Variants in LRRC53 observed in about 807,000 individuals in gnomAD.
The protein encoded by LRRC53 is leucine-rich repeat-containing protein 53.
LRRC53 carries 25 observed loss-of-function variants against 13.6 expected under a neutral mutation model. The observed-to-expected ratio is 1.83, with a 90% CI of 1.34 to 2.56. The LOEUF (loss-of-function observed/expected upper bound fraction) is 2.56, where lower values mean the gene tolerates loss of function less well. LRRC53 is among the 30% of genes most tolerant of loss of function. LRRC53 has a pLI of 0.00. For synonymous variants in LRRC53, 204 were observed against 109.8 expected, an observed-to-expected ratio of 1.86 and a Z score of -5.37; for missense variants, 527 against 275.8, an observed-to-expected ratio of 1.91 and a Z score of -6.45.
the LRRC53 span, among the ~76,000 whole-genome samples, chr1:74,519,540 A>G: frequency 6.6e-6 from 1 of 151,412 alleles, no homozygotes; most frequent in Non-Finnish European, 1.5e-5. Context: ...CCTCTCCAGC[A>G]CCTGTTGTTT....
intron 1 of LRRC53, among the ~76,000 whole-genome samples, chr1:74,509,130 C>G (rs903788555): frequency 2.1e-4 from 32 of 152,262 alleles, no homozygotes; most frequent in African/African-American, 7.5e-4. Context: ...TAGAGCACTC[C>G]TTTTTCCTCA....
chr1:74,528,710 G>A, the LRRC53 span, among the ~76,000 whole-genome samples: 2 of 152,182 alleles, frequency 1.3e-5, no homozygotes, highest in African/African-American at 4.8e-5. Flanking sequence ...GTCTTAATGT[G>A]TTTACACACC....
Position 74,480,592 on chromosome 1 carries a change from A to G in LRRC53, c.465T>C (p.Asn155=), listed in dbSNP as rs1668440251. ...AATCCAGATACCTGAGACTGTGGAG[A>G]TTCGTGCCTCCGAAAGAACTGTCTG... The part of the protein sequence containing the change: ...NLTDSSFGGT[N]LHSLRYLDLS... The change falls in exon 3 of 5, where the codon AAT becomes AAC. Residue 155 remains asparagine, a synonymous_variant. Coordinates refer to ENST00000294635, the MANE Select transcript of LRRC53 (RefSeq NM_001382280.1). The G allele has an allele frequency of 1.4e-6, 1 of 717,174 alleles. No homozygotes were observed. The highest frequency in any genetic ancestry group is 1.7e-5 in the African/African-American group (1 of 57,274). The allele number at this position is 717,174 out of a possible 1,614,324, so 44.4% of individuals were successfully genotyped here.
chr1:74,496,594 T>C (rs1215040076), intron 1 of LRRC53, among the ~76,000 whole-genome samples: 1 of 152,046 alleles, frequency 6.6e-6, no homozygotes, highest in Non-Finnish European at 1.5e-5. Flanking sequence ...TTTTGGTTGT[T>C]TGTATATTTG....
At chr1:74,501,898 T>C (rs1036978480) in intron 1 of LRRC53, among the ~76,000 whole-genome samples, 5 of 152,158 alleles carry the variant, frequency 3.3e-5, no homozygotes, top group African/African-American at 1.2e-4. Flanking sequence ...ATACATTTTC[T>C]TTTTCTCACT....
chr1:74,502,335 C>A (rs1265651347), intron 1 of LRRC53, among the ~76,000 whole-genome samples: 4 of 152,144 alleles, frequency 2.6e-5, no homozygotes, highest in Non-Finnish European at 5.9e-5. Flanking sequence ...ATAATGACTT[C>A]CCACAAACAT....
At chr1:74,528,233 G>A in the LRRC53 span, among the ~76,000 whole-genome samples, 1 of 152,184 alleles carries the variant, frequency 6.6e-6, no homozygotes, top group Non-Finnish European at 1.5e-5. Flanking sequence ...GAGCATAAGG[G>A]TGGTGAAGAA....
intron 3 of LRRC53, among the ~76,000 whole-genome samples, chr1:74,478,174 A>C (rs116837935): frequency 7.4e-4 from 113 of 152,308 alleles, no homozygotes; most frequent in African/African-American, 2.7e-3. Flanking sequence ...AAAGAGTGGA[A>C]TCTTAATGGA....
rs1487399029 is a variant in LRRC53, at chr1:74,471,118, C to G, written c.2504G>C (p.Gly835Ala). The change falls in exon 5 of 5, where the codon GGA becomes GCA. Residue 835 changes from glycine to alanine, a missense_variant. Physicochemically the swap from Gly to Ala is moderately conservative, Grantham distance 60. Coordinates refer to ENST00000294635, the MANE Select transcript of LRRC53 (RefSeq NM_001382280.1). ...AGGTTGGGGCAATTTTGATGTGTTT[C>G]CATCAGGAATGTGGCCAGCTGAGTA... ...SCYSAGHIPD[G>A]NTSKLPQPTP... 28 of 400,614 alleles carry G rather than the reference C, an allele frequency of 7.0e-5. No individual in the cohort carries two copies. The highest frequency in any genetic ancestry group is 4.5e-4 in the African/African-American group (22 of 48,684). The allele number at this position is 400,614 out of a possible 1,614,324, so 24.8% of individuals were successfully genotyped here.
chr1:74,528,948 A>G, the LRRC53 span, among the ~76,000 whole-genome samples: 140,200 of 152,218 alleles, frequency 0.92, 64,832 homozygotes, highest in Non-Finnish European at 0.96. Flanking sequence ...AGAAAGGAGA[A>G]AGATACAAAG....
chr1:74,510,963 C>T (rs1670180234), intron 1 of LRRC53, among the ~76,000 whole-genome samples: 1 of 152,210 alleles, frequency 6.6e-6, no homozygotes, highest in Non-Finnish European at 1.5e-5. Flanking sequence ...TCTTGGCTCA[C>T]TGCAACCTCT....
intron 3 of LRRC53, among the ~76,000 whole-genome samples, chr1:74,476,940 C>T (rs1329417283): frequency 6.6e-6 from 1 of 152,006 alleles, no homozygotes; most frequent in Non-Finnish European, 1.5e-5. Flanking sequence ...TGGTAAAATC[C>T]TCATACCATT....
At chr1:74,518,025 A>G in the LRRC53 span, among the ~76,000 whole-genome samples, 1 of 152,200 alleles carries the variant, frequency 6.6e-6, no homozygotes, top group African/African-American at 2.4e-5. Flanking sequence ...GTTTTTGAGC[A>G]AGCGATGACC....
At chr1:74,508,017 A>C (rs1043204084) in intron 1 of LRRC53, among the ~76,000 whole-genome samples, 2 of 152,204 alleles carry the variant, frequency 1.3e-5, no homozygotes, top group Non-Finnish European at 2.9e-5. Flanking sequence ...ATAGACCCCA[A>C]ATGTATTATA....
At chr1:74,520,820 G>A in the LRRC53 span, among the ~76,000 whole-genome samples, 603 of 152,196 alleles carry the variant, frequency 4.0e-3, 5 homozygotes, top group Middle Eastern at 0.014. Context: ...GGGTGTAACA[G>A]GGCTAAGAAG....
At chr1:74,531,579 A>G in the LRRC53 span, among the ~76,000 whole-genome samples, 2 of 152,156 alleles carry the variant, frequency 1.3e-5, no homozygotes, top group African/African-American at 2.4e-5. Context: ...TGCCAAAAGG[A>G]TGAGCCAGAT....
intron 1 of LRRC53, among the ~76,000 whole-genome samples, chr1:74,488,898 G>T (rs1011327645): frequency 3.9e-5 from 6 of 152,108 alleles, no homozygotes; most frequent in Admixed American, 2.0e-4. Context: ...TTTTGAAGAG[G>T]AAACCTGCCA....
At chr1:74,491,628 T>A (rs1669082441) in intron 1 of LRRC53, among the ~76,000 whole-genome samples, 1 of 152,212 alleles carries the variant, frequency 6.6e-6, no homozygotes, top group South Asian at 2.1e-4. Flanking sequence ...TGCCACACAT[T>A]AAAGCATTTT....
chr1:74,481,588 C>T (rs1396361991), intron 2 of LRRC53, among the ~76,000 whole-genome samples: 2 of 152,206 alleles, frequency 1.3e-5, no homozygotes, highest in Non-Finnish European at 2.9e-5. Context: ...TCATTATAGT[C>T]TGGGCCATCT....
Sources: allele counts gnomAD v4.1 joint callset (sites outside exome capture counted in the v4.1 genomes callset), GRCh38; gene constraint gnomAD v4.1.1; transcripts MANE v1.5; gene names NCBI Gene and HGNC (gene_info 2026-07-23, HGNC 2026-07-21).